UBE2G1: variants seen among roughly 807,000 people sequenced by gnomAD.
The protein encoded by UBE2G1 is ubiquitin-conjugating enzyme E2 G1.
A neutral mutation model predicts 22.7 loss-of-function variants in UBE2G1; 5 were observed. That is an observed-to-expected ratio of 0.22 (90% CI 0.12 to 0.46). The LOEUF (loss-of-function observed/expected upper bound fraction) is 0.46, where lower values mean the gene tolerates loss of function less well. Ranked by LOEUF, UBE2G1 falls within the 20% of genes least tolerant of loss-of-function variation. The probability of loss-of-function intolerance (pLI) is 0.99; values close to 1 mark genes in which losing one functional copy is unlikely to be tolerated. For missense variants in UBE2G1, 88 were observed against 203.9 expected (o/e 0.43, Z 3.46); for synonymous variants, 74 against 67.5 (o/e 1.10, Z -0.47).
chr17:4,282,775 TATG>T lies in UBE2G1; in HGVS notation c.*37+20_*37+22del. 6.7e-7 allele frequency: 1 copy of T among 1,490,372 alleles called. No individual in the cohort carries two copies. Among genetic ancestry groups the T allele is most frequent in the Non-Finnish European group, 9.2e-7 (1 of 1,090,686 alleles). The allele number at this position is 1,490,372 out of a possible 1,614,324, so 92.3% of individuals were successfully genotyped here. A position where few individuals can be genotyped will look rare whatever the true frequency, so the allele number is the denominator to read the frequency against. ...TAGGATACTTACAAAAAAACAAAAG[TATG>T]ATATTTAAAATAAACTTACCCTGAA... On this transcript the variant is annotated intron_variant, in intron 5 of 5. Transcript: ENST00000396981.
chr17:4,292,542 T>A (rs941344073), intron 3 of UBE2G1, among the ~76,000 whole-genome samples: 2 of 152,170 alleles, frequency 1.3e-5, no homozygotes, highest in African/African-American at 4.8e-5. Context: ...CCACAAGTGG[T>A]CTGGATAGCA....
chr17:4,366,134 G>A (rs938221141), intron 1 of UBE2G1, 137 bp downstream of exon 1: 5 of 886,510 alleles, frequency 5.6e-6, no homozygotes, highest in Non-Finnish European at 6.2e-6. Context: ...GGCCGGGACC[G>A]GAGCCTCGAG....
At chr17:4,293,764 A>G (rs937408742) in intron 3 of UBE2G1, among the ~76,000 whole-genome samples, 8 of 152,196 alleles carry the variant, frequency 5.3e-5, no homozygotes, top group Non-Finnish European at 1.0e-4. Context: ...ATTTTTGTAA[A>G]TGGCCAGTCA....
In UBE2G1 at chr17:4,366,278, C is replaced by T; in HGVS notation, c.39G>A (p.Gln13=). The part of the protein sequence containing the change: ...ELQSALLLRR[Q]LAELNKNPVE... ...CGCCGCCCGCCTGCTCACCTGCCAG[C>T]TGTCTTCGCAGTAGCAGTGCCGACT... The change falls in exon 1 of 6, where the codon CAG becomes CAA. Residue 13 remains glutamine (Q), a synonymous_variant. Coordinates refer to ENST00000396981, the MANE Select transcript of UBE2G1 (RefSeq NM_003342.5). 2 of 1,555,620 alleles carry T rather than the reference C, an allele frequency of 1.3e-6. No homozygotes were observed. Among genetic ancestry groups the T allele is most frequent in the South Asian group, 1.2e-5 (1 of 86,556 alleles).
At chr17:4,349,640 G>A (rs1969820151) in intron 1 of UBE2G1, among the ~76,000 whole-genome samples, 2 of 151,988 alleles carry the variant, frequency 1.3e-5, no homozygotes, top group Admixed American at 1.3e-4. Flanking sequence ...TCAGGAGATT[G>A]AGACCATCCT....
chr17:4,335,791 A>T (rs561502754), intron 1 of UBE2G1, among the ~76,000 whole-genome samples: 1 of 152,220 alleles, frequency 6.6e-6, no homozygotes, highest in Non-Finnish European at 1.5e-5. Flanking sequence ...AATACAGTAT[A>T]TAACTTACAA....
At chr17:4,361,889 C>T (rs920218069) in intron 1 of UBE2G1, among the ~76,000 whole-genome samples, 15 of 141,064 alleles carry the variant, frequency 1.1e-4, no homozygotes, top group Admixed American at 7.9e-4. Flanking sequence ...TTGCACTTAG[C>T]GGAGATCGTG....
At chr17:4,311,389 A>G (rs923857970) in intron 1 of UBE2G1, among the ~76,000 whole-genome samples, 22 of 152,226 alleles carry the variant, frequency 1.4e-4, no homozygotes, top group South Asian at 6.2e-4. Flanking sequence ...TTGCTGTAAT[A>G]ATCAAAAGGC....
chr17:4,324,714 A>G (rs1395447538), intron 1 of UBE2G1, among the ~76,000 whole-genome samples: 1 of 152,150 alleles, frequency 6.6e-6, no homozygotes, highest in Non-Finnish European at 1.5e-5. Context: ...CACCATGTCC[A>G]GCCAGTTAAA....
At chr17:4,338,913 C>T (rs950290911) in intron 1 of UBE2G1, among the ~76,000 whole-genome samples, 1 of 152,146 alleles carries the variant, frequency 6.6e-6, no homozygotes, top group Non-Finnish European at 1.5e-5. Flanking sequence ...TGTACAATGA[C>T]GGTGCTAGTG....
chr17:4,307,203 A>AC, intron 1 of UBE2G1, 80 bp from the exon 2 acceptor site: 1 of 1,226,672 alleles, frequency 8.2e-7, no homozygotes, highest in Non-Finnish European at 1.2e-6. Context: ...ACTTGAGCGT[A>AC]CATGTTTTAT....
intron 1 of UBE2G1, among the ~76,000 whole-genome samples, chr17:4,350,556 C>G (rs1249134172): frequency 1.3e-5 from 2 of 152,166 alleles, no homozygotes. Flanking sequence ...ACATCTGGCT[C>G]TGAACAGTGT....
chr17:4,363,664 T>A (rs1432909299), intron 1 of UBE2G1, among the ~76,000 whole-genome samples: 1 of 152,026 alleles, frequency 6.6e-6, no homozygotes, highest in Non-Finnish European at 1.5e-5. Flanking sequence ...ATGTAAGAAT[T>A]CAGAGAGGCC....
chr17:4,365,392 AC>A (rs1254998766), intron 1 of UBE2G1, among the ~76,000 whole-genome samples: 1 of 151,924 alleles, frequency 6.6e-6, no homozygotes, highest in African/African-American at 2.4e-5. Context: ...GTAGGAGCCA[AC>A]CCCCTAAAAA....
At chr17:4,280,226 G>A (rs1005376609) in intron 5 of UBE2G1, among the ~76,000 whole-genome samples, 2 of 151,000 alleles carry the variant, frequency 1.3e-5, no homozygotes, top group Non-Finnish European at 1.5e-5. Context: ...TGGTAGAGAC[G>A]AGGTTTCACC....
intron 1 of UBE2G1, among the ~76,000 whole-genome samples, chr17:4,341,480 G>A (rs911951821): frequency 6.0e-4 from 91 of 152,010 alleles, no homozygotes; most frequent in Non-Finnish European, 1.1e-3. Flanking sequence ...CAAAGACACT[G>A]CTCCAGAAAT....
intron 3 of UBE2G1, among the ~76,000 whole-genome samples, chr17:4,290,526 T>A (rs1226741507): frequency 6.6e-6 from 1 of 152,022 alleles, no homozygotes; most frequent in Non-Finnish European, 1.5e-5. Flanking sequence ...GGCTGGAGTG[T>A]AGTGGTATGA....
At chr17:4,273,580 C>T (rs1968785153) in intron 5 of UBE2G1, among the ~76,000 whole-genome samples, 1 of 152,090 alleles carries the variant, frequency 6.6e-6, no homozygotes, top group Admixed American at 6.6e-5. Flanking sequence ...CAGGCTCAAG[C>T]AACGCTGCCA....
intron 3 of UBE2G1, among the ~76,000 whole-genome samples, chr17:4,292,347 C>G (rs368043914): frequency 1.3e-5 from 2 of 150,402 alleles, no homozygotes; most frequent in East Asian, 3.9e-4. Context: ...AAACCAAAAC[C>G]AAACAAACAA....
Sources: allele counts gnomAD v4.1 joint callset (sites outside exome capture counted in the v4.1 genomes callset), GRCh38; gene constraint gnomAD v4.1.1; transcripts MANE v1.5; gene names NCBI Gene and HGNC (gene_info 2026-07-23, HGNC 2026-07-21).